SIK3: variants seen among roughly 807,000 people sequenced by gnomAD.
The protein encoded by SIK3 is serine/threonine-protein kinase SIK3.
A neutral mutation model predicts 144.2 loss-of-function variants in SIK3; 28 were observed. The ratio of observed to expected loss-of-function variants is 0.19; its 90% CI spans 0.14 to 0.27. The LOEUF (loss-of-function observed/expected upper bound fraction) is 0.27, where lower values mean the gene tolerates loss of function less well. Among genes scored for constraint, SIK3 ranks in the 10% least tolerant of loss-of-function variants. The probability of loss-of-function intolerance (pLI) is 1.00; values close to 1 mark genes in which losing one functional copy is unlikely to be tolerated. For synonymous variants in SIK3, 686 were observed against 676.3 expected (o/e 1.01, Z -0.22); for missense variants, 1,319 against 1,776.0 (o/e 0.74, Z 4.62).
chr11:116,890,600 AAAG>A (rs1214702483), intron 6 of SIK3, among the ~76,000 whole-genome samples: 1 of 152,384 alleles, frequency 6.6e-6, no homozygotes, highest in East Asian at 1.9e-4. Context: ...ACATACAATG[AAAG>A]AAGTAGTTAC....
At chr11:116,956,917 G>C (rs1949159984) in intron 2 of SIK3, 31 bp downstream of exon 2, 2 of 1,361,256 alleles carry the variant, frequency 1.5e-6, no homozygotes, top group East Asian at 2.4e-5. Context: ...TGGGTTCTTT[G>C]CAGCTATCTG....
At chr11:116,862,425 G>C (rs1943395158) in intron 16 of SIK3, 98 bp from the exon 17 acceptor site, 2 of 1,509,540 alleles carry the variant, frequency 1.3e-6, no homozygotes, top group South Asian at 1.2e-5. Context: ...CTCATGGGCA[G>C]AAAGAGCCGC....
intron 3 of SIK3, among the ~76,000 whole-genome samples, chr11:116,951,534 C>T (rs1413489002): frequency 1.3e-5 from 2 of 152,058 alleles, no homozygotes; most frequent in African/African-American, 4.8e-5. Flanking sequence ...TTTTCACCAA[C>T]CTAAAATATT....
chr11:116,913,359 T>G (rs1032100545), intron 4 of SIK3, among the ~76,000 whole-genome samples: 6 of 152,170 alleles, frequency 3.9e-5, no homozygotes, highest in Non-Finnish European at 7.3e-5. Flanking sequence ...ATATTGGCAT[T>G]TCCAATGAGT....
chr11:116,846,642 C>G lies in SIK3; in HGVS notation c.3953-89G>C. The G allele has an allele frequency of 1.4e-6, 2 of 1,471,240 alleles. No homozygotes were observed. Among genetic ancestry groups the G allele is most frequent in the South Asian group, 2.5e-5 (2 of 80,520 alleles). 91.1% of individuals were successfully genotyped at this position (1,471,240 alleles called of 1,614,324 possible). A position where few individuals can be genotyped will look rare whatever the true frequency, so the allele number is the denominator to read the frequency against. On this transcript the variant is annotated intron_variant, in intron 23 of 24. Transcript: ENST00000445177. The surrounding 1 kb of genome is among the most constrained non-coding windows in gnomAD (Gnocchi z 4.1). ...AGAGAGAGGAGGAATTGAAGGCAAC[C>G]TGTCGAGCATCCCACAGCCTGACTC...
intron 1 of SIK3, among the ~76,000 whole-genome samples, chr11:116,977,545 T>C (rs1949991996): frequency 6.6e-6 from 1 of 152,188 alleles, no homozygotes; most frequent in Non-Finnish European, 1.5e-5. Context: ...TGTGTAATTA[T>C]TGGGTTTCAC....
intron 1 of SIK3, among the ~76,000 whole-genome samples, chr11:117,057,331 A>G (rs1226367600): frequency 1.3e-5 from 2 of 152,224 alleles, no homozygotes; most frequent in African/African-American, 4.8e-5. Flanking sequence ...TTACTCCTAG[A>G]ATATACAAGG....
At position 116,845,281 on chromosome 11, in the gene SIK3, A is replaced by C. The variant is rs1049733305; in HGVS notation, c.*362T>G. 2 of 143,672 alleles carry C rather than the reference A, an allele frequency of 1.4e-5. No individual in the cohort carries two copies. The highest frequency in any genetic ancestry group is 2.9e-5 in the Non-Finnish European group (2 of 67,996). 8.9% of individuals were successfully genotyped at this position (143,672 alleles called of 1,614,324 possible). Reference sequence around the variant, plus strand: ...TCAAAAAAGGAACGAAAGAAAAAAAAGAAAGGAAGAAAAAAAAGAAAGTAT... The same window carrying C: ...TCAAAAAAGGAACGAAAGAAAAAAACGAAAGGAAGAAAAAAAAGAAAGTAT... On this transcript the variant is annotated 3_prime_UTR_variant, in exon 25 of 25. Coordinates refer to ENST00000445177, the MANE Select transcript of SIK3 (RefSeq NM_001366686.3).
chr11:116,922,256 A>G (rs1253925296), intron 4 of SIK3, among the ~76,000 whole-genome samples: 2 of 152,132 alleles, frequency 1.3e-5, no homozygotes, highest in African/African-American at 4.8e-5. Context: ...TAATTCTAAC[A>G]CTTTGGGAGG....
intron 1 of SIK3, among the ~76,000 whole-genome samples, chr11:117,013,319 C>T (rs557426079): frequency 4.9e-4 from 75 of 152,058 alleles, no homozygotes; most frequent in Non-Finnish European, 9.3e-4. Context: ...GGTGAAACCT[C>T]GTCTCCACTA....
intron 1 of SIK3, among the ~76,000 whole-genome samples, chr11:117,004,902 G>A (rs567853660): frequency 1.3e-4 from 20 of 152,198 alleles, no homozygotes; most frequent in Admixed American, 7.8e-4. Context: ...GCTTAATGTC[G>A]CATGATGTGA....
At chr11:116,915,153 T>TGTGTGTGC (rs1555093368) in intron 4 of SIK3, among the ~76,000 whole-genome samples, 2 of 149,096 alleles carry the variant, frequency 1.3e-5, no homozygotes, top group Non-Finnish European at 3.0e-5. Context: ...TGTGTGTGTG[T>TGTGTGTGC]GTGTGTGTAT....
intron 4 of SIK3, among the ~76,000 whole-genome samples, chr11:116,905,240 G>A (rs1945964210): frequency 6.6e-6 from 1 of 152,168 alleles, no homozygotes; most frequent in African/African-American, 2.4e-5. Flanking sequence ...CTTTCACTGA[G>A]CATAATATTT....
chr11:117,049,697 C>G (rs958655436), intron 1 of SIK3, among the ~76,000 whole-genome samples: 1 of 151,958 alleles, frequency 6.6e-6, no homozygotes, highest in African/African-American at 2.4e-5. Context: ...ATGGCTCACA[C>G]CTAGTCCCAA....
chr11:117,038,041 T>C (rs1952587799), intron 1 of SIK3, among the ~76,000 whole-genome samples: 1 of 152,226 alleles, frequency 6.6e-6, no homozygotes, highest in African/African-American at 2.4e-5. Context: ...TTTTGTCTTA[T>C]TCCTGAATCA....
At chr11:116,981,301 G>A (rs552918945) in intron 1 of SIK3, among the ~76,000 whole-genome samples, 10 of 152,296 alleles carry the variant, frequency 6.6e-5, no homozygotes, top group African/African-American at 1.9e-4. Context: ...ACCATCAGCT[G>A]GAAGCCTATA....
At chr11:116,992,314 G>GTCC (rs1337896123) in intron 1 of SIK3, among the ~76,000 whole-genome samples, 1 of 115,302 alleles carries the variant, frequency 8.7e-6, no homozygotes, top group Non-Finnish European at 1.7e-5. Context: ...AACAGAGCAA[G>GTCC]ACCCCCCCCC....
intron 21 of SIK3, among the ~76,000 whole-genome samples, chr11:116,856,022 C>T (rs1942884615): frequency 6.6e-6 from 1 of 151,948 alleles, no homozygotes; most frequent in Admixed American, 6.6e-5. Context: ...ACGGTGAAAC[C>T]CTGTCTCTAC....
intron 15 of SIK3, among the ~76,000 whole-genome samples, chr11:116,866,720 G>A (rs1462821027): frequency 2.6e-5 from 4 of 152,164 alleles, no homozygotes; most frequent in Admixed American, 2.0e-4. Flanking sequence ...GATTGCAGGC[G>A]TGAACCACCG....
Sources: allele counts gnomAD v4.1 joint callset (sites outside exome capture counted in the v4.1 genomes callset), GRCh38; gene constraint gnomAD v4.1.1; non-coding constraint Gnocchi (gnomAD v3.1); transcripts MANE v1.5; gene names NCBI Gene and HGNC (gene_info 2026-07-23, HGNC 2026-07-21).